The following PHEX variants were observed in gnomAD, a reference collection of about 807,000 sequenced individuals.
PHEX encodes the protein phosphate-regulating neutral endopeptidase PHEX.
A neutral mutation model predicts 68.0 loss-of-function variants in PHEX; 16 were observed. The ratio of observed to expected loss-of-function variants is 0.24; its 90% CI spans 0.16 to 0.36. The LOEUF is 0.36. Ranked by LOEUF, PHEX falls within the 10% of genes least tolerant of loss-of-function variation. The probability of loss-of-function intolerance (pLI) is 1.00; values close to 1 mark genes in which losing one functional copy is unlikely to be tolerated. For missense variants in PHEX, 480 were observed against 575.5 expected, an observed-to-expected ratio of 0.83 and a Z score of 1.70; for synonymous variants, 208 against 205.1, an observed-to-expected ratio of 1.01 and a Z score of -0.12.
intron 20 of PHEX, among the ~76,000 whole-genome samples, chrX:22,243,328 C>G (rs1936287936): frequency 8.9e-6 from 1 of 111,975 alleles, no homozygotes; most frequent in African/African-American, 3.3e-5. Flanking sequence ...CCATAAAAAT[C>G]CTAGAAGAAA....
Position 22,251,192 on chromosome X carries a change from T to C in PHEX, c.*3239T>C, listed in dbSNP as rs1186355486. 1 of 112,547 alleles carries C rather than the reference T, an allele frequency of 8.9e-6. No individual in the cohort carries two copies. The highest frequency in any genetic ancestry group is 9.4e-5 in the Admixed American group (1 of 10,618). The allele number at this position is 112,547 out of a possible 1,213,427, so 9.3% of individuals were successfully genotyped here. Reference sequence around the variant, plus strand: ...GTCCTACTGGTTTGAAGAAAGATATTCTTGGATTATGTGTTTTATATCTAA... The same window carrying C: ...GTCCTACTGGTTTGAAGAAAGATATCCTTGGATTATGTGTTTTATATCTAA... On this transcript the variant is annotated 3_prime_UTR_variant, in exon 22 of 22. Transcript: ENST00000379374.
At chrX:22,183,027 G>A (rs374537661) in intron 14 of PHEX, among the ~76,000 whole-genome samples, 2 of 111,556 alleles carry the variant, frequency 1.8e-5, no homozygotes, top group East Asian at 2.8e-4. Context: ...GAAATGATTT[G>A]TCAACCTTCT....
At chrX:22,134,444 T>A (rs1011439603) in intron 12 of PHEX, among the ~76,000 whole-genome samples, 1 of 111,337 alleles carries the variant, frequency 9.0e-6, no homozygotes, top group African/African-American at 3.3e-5. Flanking sequence ...TACAAAAAAA[T>A]TAGTCGGGTG....
At chrX:22,068,392 G>A (rs905867629) in intron 3 of PHEX, among the ~76,000 whole-genome samples, 9 of 111,912 alleles carry the variant, frequency 8.0e-5, no homozygotes, top group Non-Finnish European at 1.5e-4. Flanking sequence ...ATGTAACCAG[G>A]GAAGGTCTTT....
At chrX:22,106,940 A>G (rs1224280771) in intron 9 of PHEX, among the ~76,000 whole-genome samples, 1 of 111,040 alleles carries the variant, frequency 9.0e-6, no homozygotes, top group Non-Finnish European at 1.9e-5. Context: ...TTAGCTGAGG[A>G]GATTTATAAG....
At chrX:22,221,882 T>C in intron 18 of PHEX, 139 bp downstream of exon 18, 1 of 578,572 alleles carries the variant, frequency 1.7e-6, no homozygotes. Context: ...CATTCTTGAG[T>C]CCTACCCCAT....
chrX:22,077,225 C>A (rs997038399), intron 4 of PHEX, among the ~76,000 whole-genome samples: 1 of 111,534 alleles, frequency 9.0e-6, no homozygotes, highest in Non-Finnish European at 1.9e-5. Flanking sequence ...TAGTGAATAT[C>A]CAGCAGTTTC....
At chrX:22,128,832 G>A (rs1203353858) in intron 11 of PHEX, among the ~76,000 whole-genome samples, 7 of 95,641 alleles carry the variant, frequency 7.3e-5, no homozygotes, top group African/African-American at 2.7e-4. Flanking sequence ...CCCCTTATCT[G>A]AGACAGATAC....
chrX:22,185,756 G>GTTTTTTGTTTTTT (rs1207128506), intron 14 of PHEX, among the ~76,000 whole-genome samples: 1 of 87,796 alleles, frequency 1.1e-5, no homozygotes, highest in Non-Finnish European at 2.1e-5. Flanking sequence ...CTCGTTTGTG[G>GTTTTTTGTTTTTT]TTTTTTTTTT....
intron 11 of PHEX, among the ~76,000 whole-genome samples, chrX:22,124,363 C>T (rs1274171681): frequency 1.8e-5 from 2 of 112,342 alleles, no homozygotes; most frequent in Non-Finnish European, 3.8e-5. Context: ...CACATTGGCT[C>T]ACCTTTCTTG....
chrX:22,224,173 G>T (rs1011163303), intron 18 of PHEX, among the ~76,000 whole-genome samples: 10 of 111,367 alleles, frequency 9.0e-5, no homozygotes, highest in African/African-American at 2.9e-4. Context: ...AATAGATACG[G>T]GGTTTCTTCA....
chrX:22,168,274 T>C (rs368645316), intron 12 of PHEX, 38 bp from the exon 13 acceptor site: 179 of 977,370 alleles, frequency 1.8e-4, no homozygotes, highest in Non-Finnish European at 2.5e-4. Context: ...ATTTAAGTGC[T>C]GAAACTCTGA....
intron 17 of PHEX, among the ~76,000 whole-genome samples, chrX:22,219,444 T>C (rs1219769074): frequency 8.9e-6 from 1 of 112,474 alleles, no homozygotes; most frequent in Non-Finnish European, 1.9e-5. Context: ...TGTCTTGAGA[T>C]ATTCTCCCTG....
In PHEX at chrX:22,137,604, C is replaced by T. The variant is rs182090052; in HGVS notation, c.1404+3980C>T. On this transcript the variant is annotated intron_variant, in intron 12 of 21. Transcript: ENST00000379374. ...ATGCGGTCAGGGCTCTGCTTATATC[C>T]GGAGCCTGGTGGTTCTCAAGGTGTG... Among the ~76,000 whole-genome samples the T allele has an allele frequency of 3.6e-5, 4 of 111,417 alleles. No individual in the cohort carries two copies. The East Asian group carries it at 1.1e-3, about 32-fold the overall frequency.
At chrX:22,033,973 G>A (rs772082006) in intron 1 of PHEX, among the ~76,000 whole-genome samples, 8 of 112,264 alleles carry the variant, frequency 7.1e-5, no homozygotes, top group South Asian at 3.7e-4. Flanking sequence ...AAACCTGCAG[G>A]AGGCCATGTT....
intron 3 of PHEX, among the ~76,000 whole-genome samples, chrX:22,069,180 G>C (rs899342424): frequency 1.2e-4 from 13 of 111,447 alleles, no homozygotes; most frequent in Non-Finnish European, 2.4e-4. Context: ...TAGTAAAAAT[G>C]CTATACGAAA....
intron 7 of PHEX, among the ~76,000 whole-genome samples, 178 bp from the exon 8 acceptor site, chrX:22,096,777 T>G (rs895239294): frequency 1.8e-5 from 2 of 111,927 alleles, no homozygotes; most frequent in Admixed American, 1.9e-4. Context: ...ATATGAAAGT[T>G]TATTTTCTTA....
At chrX:22,208,014 C>G (rs1351546472) in intron 15 of PHEX, among the ~76,000 whole-genome samples, 1 of 110,560 alleles carries the variant, frequency 9.0e-6, no homozygotes, top group Non-Finnish European at 1.9e-5. Context: ...TTTGGTATTT[C>G]TCCTAATGCT....
At chrX:22,217,511 T>G (rs1935131828) in intron 16 of PHEX, among the ~76,000 whole-genome samples, 1 of 112,006 alleles carries the variant, frequency 8.9e-6, no homozygotes, top group African/African-American at 3.2e-5. Context: ...CTTTAAAAAT[T>G]TCCATTCCTT....
Sources: gnomAD v4.1 joint callset for allele counts (sites outside exome capture counted in the v4.1 genomes callset) on GRCh38, gnomAD v4.1.1 for gene constraint, MANE v1.5 for transcripts, NCBI Gene and HGNC (gene_info 2026-07-23, HGNC 2026-07-21) for gene names.